Variants in RIPOR3 observed in about 807,000 individuals in gnomAD.
RIPOR3 encodes the protein RIPOR family member 3, also known as family with sequence similarity 65 member C.
In RIPOR3, 95 loss-of-function variants were observed where a neutral mutation model predicts 114.3. The ratio of observed to expected loss-of-function variants is 0.83; its 90% CI spans 0.70 to 0.99. RIPOR3 has a LOEUF of 0.99. Among genes scored for constraint, RIPOR3 ranks in the 50% least tolerant of loss-of-function variants. The pLI is 0.00. For missense variants in RIPOR3, 1,252 were observed against 1,266.9 expected (o/e 0.99, Z 0.18); for synonymous variants, 575 against 543.8 (o/e 1.06, Z -0.80).
intron 1 of RIPOR3, among the ~76,000 whole-genome samples, chr20:50,688,477 G>T (rs1182011159): frequency 6.6e-6 from 1 of 152,146 alleles, no homozygotes; most frequent in Non-Finnish European, 1.5e-5. Context: ...GTTTTTCATA[G>T]AATTTATTGA....
chr20:50,638,510 C>G (rs1024024985), intron 1 of RIPOR3, among the ~76,000 whole-genome samples: 2 of 152,168 alleles, frequency 1.3e-5, no homozygotes, highest in African/African-American at 4.8e-5. Flanking sequence ...ATCACTGCCT[C>G]GTCACCACTC....
At chr20:50,670,981 G>A (rs1344180428) in intron 1 of RIPOR3, among the ~76,000 whole-genome samples, 3 of 152,074 alleles carry the variant, frequency 2.0e-5, no homozygotes, top group Non-Finnish European at 4.4e-5. Flanking sequence ...AGGCTGGAGT[G>A]CAGTGGTGTG....
chr20:50,627,463 A>AC (rs1425716122), intron 2 of RIPOR3, among the ~76,000 whole-genome samples: 1 of 145,004 alleles, frequency 6.9e-6, no homozygotes, highest in African/African-American at 2.8e-5. Flanking sequence ...TGAGCCGAGA[A>AC]TATGCCACTG....
intron 1 of RIPOR3, among the ~76,000 whole-genome samples, chr20:50,670,219 C>A (rs1231581521): frequency 2.6e-5 from 4 of 151,480 alleles, no homozygotes; most frequent in Admixed American, 6.6e-5. Flanking sequence ...CCAAGTCAAC[C>A]AGGCAGGCGG....
In RIPOR3 at chr20:50,602,319, G is replaced by A; in HGVS notation, c.1412C>T (p.Pro471Leu). Residue 471 changes from proline (P) to leucine (L), a missense_variant, in exon 13 of 22, where the codon CCT becomes CTT. Physicochemically the swap from Pro to Leu is moderately conservative, Grantham distance 98. Transcript: ENST00000327979. This position sits in a 1 kb window ranked among gnomAD's most constrained non-coding sequence, Gnocchi z 4.3. ...HLSGGPFAEQ[P>L]GWRNLGGESP... ...CTCCCCTCCTAAGTTCCTCCAGCCA[G>A]GCTGCTCTGCAAACGGGCCTCCAGA... 1 of 1,613,944 alleles carries A rather than the reference G, an allele frequency of 6.2e-7. No individual in the cohort carries two copies. The highest frequency in any genetic ancestry group is 8.5e-7 in the Non-Finnish European group (1 of 1,179,982).
At chr20:50,664,918 A>G (rs1236970650) in intron 1 of RIPOR3, among the ~76,000 whole-genome samples, 1 of 152,098 alleles carries the variant, frequency 6.6e-6, no homozygotes, top group African/African-American at 2.4e-5. Context: ...CCTGGCCAAC[A>G]TGGCAAAAAC....
At chr20:50,624,429 T>G (rs2084543533) in intron 2 of RIPOR3, among the ~76,000 whole-genome samples, 2 of 152,286 alleles carry the variant, frequency 1.3e-5, no homozygotes, top group Admixed American at 6.5e-5. Flanking sequence ...CAGCCCCGCT[T>G]CCATCCACCT....
At chr20:50,664,541 G>A (rs934460366) in intron 1 of RIPOR3, among the ~76,000 whole-genome samples, 2 of 152,192 alleles carry the variant, frequency 1.3e-5, no homozygotes, top group African/African-American at 2.4e-5. Context: ...AGGATCCCAC[G>A]GGAAAGGGGG....
At chr20:50,624,749 T>A in intron 2 of RIPOR3, among the ~76,000 whole-genome samples, 1 of 152,206 alleles carries the variant, frequency 6.6e-6, no homozygotes, top group East Asian at 1.9e-4. Flanking sequence ...GACGGGCACG[T>A]GCAACCTGCC....
chr20:50,683,268 T>C (rs1439114072), intron 1 of RIPOR3, among the ~76,000 whole-genome samples: 1 of 152,082 alleles, frequency 6.6e-6, no homozygotes, highest in Non-Finnish European at 1.5e-5. Flanking sequence ...GGAAAAGAGT[T>C]CGGAAGTTGA....
chr20:50,647,872 T>C (rs1361683636), intron 1 of RIPOR3, among the ~76,000 whole-genome samples: 1 of 152,208 alleles, frequency 6.6e-6, no homozygotes, highest in Non-Finnish European at 1.5e-5. Flanking sequence ...ACTGAAATTA[T>C]CTTACAGTTA....
At chr20:50,632,028 G>A (rs2426181) in intron 1 of RIPOR3, among the ~76,000 whole-genome samples, 36,504 of 151,668 alleles carry the variant, frequency 0.24, 6,987 homozygotes, top group African/African-American at 0.54. Context: ...TTCCCCCAGG[G>A]GCCAAGTCCA....
At chr20:50,633,834 C>T (rs1366609448) in intron 1 of RIPOR3, among the ~76,000 whole-genome samples, 1 of 152,134 alleles carries the variant, frequency 6.6e-6, no homozygotes, top group Admixed American at 6.5e-5. Flanking sequence ...ACCTGCAGAA[C>T]CTGACAGCGG....
chr20:50,685,179 C>T (rs1160664274), intron 1 of RIPOR3, among the ~76,000 whole-genome samples: 1 of 151,648 alleles, frequency 6.6e-6, no homozygotes, highest in Non-Finnish European at 1.5e-5. Context: ...AGAGACATGG[C>T]CATCCAAACT....
At chr20:50,652,759 A>C (rs924705161) in intron 1 of RIPOR3, among the ~76,000 whole-genome samples, 2 of 152,206 alleles carry the variant, frequency 1.3e-5, no homozygotes, top group African/African-American at 4.8e-5. Flanking sequence ...CACATACACG[A>C]GGGCGGTCGT....
intron 1 of RIPOR3, among the ~76,000 whole-genome samples, chr20:50,675,917 G>A (rs2086663617): frequency 6.6e-6 from 1 of 152,206 alleles, no homozygotes; most frequent in Non-Finnish European, 1.5e-5. Flanking sequence ...GGTGCAGGGA[G>A]CCCTCTGGCC....
Position 50,593,117 on chromosome 20 carries a change from AATG to A in RIPOR3, c.2289_2291del (p.Ile764del), listed in dbSNP as rs1183984478. The A allele has an allele frequency of 6.2e-7, 1 of 1,614,056 alleles. No homozygotes were observed. The highest frequency in any genetic ancestry group is 8.5e-7 in the Non-Finnish European group (1 of 1,180,018). On this transcript the variant is annotated inframe_deletion, in exon 18 of 22. Coordinates refer to ENST00000327979, the MANE Select transcript of RIPOR3 (RefSeq NM_001290268.2). Reference sequence around the variant, plus strand: ...GGTAGCTGTGAAACTGGAACCAGGTAATGATCTGTTCTTCTGGGAGCCCAGCTC... The same window carrying A: ...GGTAGCTGTGAAACTGGAACCAGGTAATCTGTTCTTCTGGGAGCCCAGCTC...
chr20:50,614,617 T>C (rs2084096183), intron 4 of RIPOR3: 2 of 170,424 alleles, frequency 1.2e-5, no homozygotes, highest in Non-Finnish European at 2.9e-5. Flanking sequence ...AATGGGATCC[T>C]AGCAGTGTCA....
At chr20:50,641,735 C>G (rs1430352067) in intron 1 of RIPOR3, among the ~76,000 whole-genome samples, 1 of 152,240 alleles carries the variant, frequency 6.6e-6, no homozygotes, top group African/African-American at 2.4e-5. Flanking sequence ...TAGCGTTTCC[C>G]ACGCTAAACC....
Sources: allele counts gnomAD v4.1 joint callset (sites outside exome capture counted in the v4.1 genomes callset), GRCh38; gene constraint gnomAD v4.1.1; non-coding constraint Gnocchi (gnomAD v3.1); transcripts MANE v1.5; gene names NCBI Gene and HGNC (gene_info 2026-07-23, HGNC 2026-07-21).